The following ZBBX variants were observed in gnomAD, a reference collection of about 807,000 sequenced individuals.
ZBBX encodes the protein zinc finger B-box domain-containing protein 1.
A neutral mutation model predicts 108.5 loss-of-function variants in ZBBX; 101 were observed. The observed-to-expected ratio is 0.93, with a 90% CI of 0.79 to 1.10. The LOEUF is 1.10. Ranked by LOEUF, ZBBX falls within the 50% of genes least tolerant of loss-of-function variation. ZBBX has a pLI of 0.00. For missense variants in ZBBX, 1,009 were observed against 941.4 expected (o/e 1.07, Z -0.94); for synonymous variants, 356 against 323.4 (o/e 1.10, Z -1.08).
intron 6 of ZBBX, among the ~76,000 whole-genome samples, chr3:167,363,599 C>T (rs73169185): frequency 1.3e-5 from 2 of 150,288 alleles, no homozygotes; most frequent in Non-Finnish European, 3.0e-5. Context: ...CAACTGGCAC[C>T]TCTTTCATCT....
rs780141751 is a variant in ZBBX, at chr3:167,368,458, C to G, written c.182+3G>C. On this transcript the variant is annotated splice_donor_region_variant and intron_variant, in intron 5 of 21. Transcript: ENST00000675490. ...TCTAAAATTCTCTAAGAGTTTCACT[C>G]ACTCTCTATCTTCCTTTTCTTTGTT... 3.1e-6 allele frequency: 5 copies of G among 1,598,448 alleles called. No homozygotes were observed. Among genetic ancestry groups the G allele is most frequent in the Non-Finnish European group, 4.3e-6 (5 of 1,166,832 alleles).
intron 2 of ZBBX, among the ~76,000 whole-genome samples, chr3:167,375,115 G>A (rs571421849): frequency 6.6e-6 from 1 of 152,284 alleles, no homozygotes; most frequent in East Asian, 1.9e-4. Flanking sequence ...TTTGCTCTAA[G>A]ACTTAAGGAA....
intron 1 of ZBBX, among the ~76,000 whole-genome samples, chr3:167,388,338 A>C (rs1371780490): frequency 6.6e-6 from 1 of 151,968 alleles, no homozygotes; most frequent in Non-Finnish European, 1.5e-5. Context: ...ATGAAGGCCA[A>C]AATAAGGGGT....
upstream of ZBBX, among the ~76,000 whole-genome samples, chr3:167,381,529 C>T (rs916295177): frequency 1.3e-5 from 2 of 152,250 alleles, no homozygotes; most frequent in East Asian, 3.9e-4. Flanking sequence ...TTGCTATTAA[C>T]GTGTTCATGG....
At chr3:167,188,309 G>C in the ZBBX span, among the ~76,000 whole-genome samples, 1 of 152,048 alleles carries the variant, frequency 6.6e-6, no homozygotes, top group Non-Finnish European at 1.5e-5. Flanking sequence ...AAAAAAGATA[G>C]ATATAAAATA....
chr3:167,390,503 T>G (rs993135910), intron 1 of ZBBX, among the ~76,000 whole-genome samples: 15 of 142,118 alleles, frequency 1.1e-4, no homozygotes, highest in African/African-American at 2.7e-4. Flanking sequence ...AAAGTAGTTG[T>G]TTTTTTTTTT....
At chr3:167,314,360 A>G (rs1735083217) in intron 15 of ZBBX, among the ~76,000 whole-genome samples, 2 of 152,158 alleles carry the variant, frequency 1.3e-5, no homozygotes, top group South Asian at 4.1e-4. Context: ...TTTCAGTTGA[A>G]AGTTTGTTTT....
At chr3:167,238,233 C>T (rs1234533007), downstream of ZBBX, among the ~76,000 whole-genome samples, 2 of 151,944 alleles carry the variant, frequency 1.3e-5, no homozygotes, top group Non-Finnish European at 2.9e-5. Context: ...GCCAAAAGGG[C>T]TTTGGACACA....
chr3:167,396,786 G>A (rs1386399679), intron 1 of ZBBX, among the ~76,000 whole-genome samples: 1 of 151,754 alleles, frequency 6.6e-6, no homozygotes, highest in Non-Finnish European at 1.5e-5. Context: ...CTTCCTGAGA[G>A]CAAAAATATG....
chr3:167,326,402 C>T (rs1173040690), intron 11 of ZBBX, among the ~76,000 whole-genome samples: 1 of 152,106 alleles, frequency 6.6e-6, no homozygotes, highest in East Asian at 1.9e-4. Flanking sequence ...TTTTCATTTT[C>T]TTCTTGGTAA....
intron 20 of ZBBX, among the ~76,000 whole-genome samples, chr3:167,265,198 C>G (rs919929169): frequency 1.3e-5 from 2 of 152,178 alleles, no homozygotes; most frequent in Non-Finnish European, 2.9e-5. Context: ...TGGGTCTCCC[C>G]TGAAGCCAGC....
intron 19 of ZBBX, among the ~76,000 whole-genome samples, chr3:167,285,211 T>C (rs1194078154): frequency 6.6e-6 from 1 of 152,104 alleles, no homozygotes; most frequent in East Asian, 1.9e-4. Context: ...TATTAATGGA[T>C]ACAATATTAC....
At chr3:167,378,078 A>G (rs1156495146) in intron 2 of ZBBX, among the ~76,000 whole-genome samples, 1 of 152,198 alleles carries the variant, frequency 6.6e-6, no homozygotes, top group Non-Finnish European at 1.5e-5. Flanking sequence ...TGCCATGATT[A>G]TAAGTTTCCT....
chr3:167,373,278 CA>C (rs1451715047), intron 3 of ZBBX, among the ~76,000 whole-genome samples: 44 of 152,174 alleles, frequency 2.9e-4, no homozygotes, highest in African/African-American at 1.0e-3. Flanking sequence ...AATACTATGC[CA>C]TTTTATATAA....
the ZBBX span, among the ~76,000 whole-genome samples, chr3:167,199,592 C>T: frequency 6.6e-6 from 1 of 152,158 alleles, no homozygotes; most frequent in South Asian, 2.1e-4. Flanking sequence ...GTTACATACA[C>T]ATGGTAATGC....
At chr3:167,404,378 T>C (rs1748517786) in intron 1 of ZBBX, among the ~76,000 whole-genome samples, 1 of 152,144 alleles carries the variant, frequency 6.6e-6, no homozygotes, top group African/African-American at 2.4e-5. Flanking sequence ...TAGTAGGAAA[T>C]TGTATTACGA....
At chr3:167,277,653 G>A (rs1379980874) in intron 20 of ZBBX, among the ~76,000 whole-genome samples, 1 of 152,058 alleles carries the variant, frequency 6.6e-6, no homozygotes, top group African/African-American at 2.4e-5. Flanking sequence ...AATAATGGGA[G>A]ACTTTAACAC....
At chr3:167,348,372 A>G (rs111757545) in intron 9 of ZBBX, among the ~76,000 whole-genome samples, 1,146 of 103,916 alleles carry the variant, frequency 0.011, 15 homozygotes, top group African/African-American at 0.027. Context: ...AAGAAAGAAA[A>G]AAAAGAAAAG....
chr3:167,393,724 T>A (rs1748146939), intron 1 of ZBBX, among the ~76,000 whole-genome samples: 2 of 151,890 alleles, frequency 1.3e-5, no homozygotes, highest in Non-Finnish European at 2.9e-5. Context: ...GCAAACCAAG[T>A]TAATGGAAAA....
Sources: allele counts gnomAD v4.1 joint callset (sites outside exome capture counted in the v4.1 genomes callset), GRCh38; gene constraint gnomAD v4.1.1; transcripts MANE v1.5; gene names NCBI Gene and HGNC (gene_info 2026-07-23, HGNC 2026-07-21).